Variants in DSCAM observed in about 807,000 individuals in gnomAD.
The protein encoded by DSCAM is DS cell adhesion molecule.
DSCAM carries 47 observed loss-of-function variants against 217.7 expected under a neutral mutation model. The ratio of observed to expected loss-of-function variants is 0.22; its 90% confidence interval spans 0.17 to 0.28. The LOEUF is 0.28. DSCAM is among the 10% of genes least tolerant of loss of function. DSCAM has a pLI of 1.00. For synonymous variants in DSCAM, 1,056 were observed against 1,015.3 expected (o/e 1.04, Z -0.76); for missense variants, 2,080 against 2,618.3 (o/e 0.79, Z 4.49).
chr21:40,779,365 G>T (rs1320414706), intron 1 of DSCAM, among the ~76,000 whole-genome samples: 1 of 152,202 alleles, frequency 6.6e-6, no homozygotes, highest in Non-Finnish European at 1.5e-5. Context: ...CTGACGAAGA[G>T]AAATTTTGGT....
At chr21:40,234,374 T>C (rs968284523) in intron 11 of DSCAM, among the ~76,000 whole-genome samples, 1 of 152,194 alleles carries the variant, frequency 6.6e-6, no homozygotes, top group African/African-American at 2.4e-5. Context: ...ATCATGGTCA[T>C]GTCCACTTCA....
intron 3 of DSCAM, among the ~76,000 whole-genome samples, chr21:40,393,279 A>G (rs1034279382): frequency 6.6e-6 from 1 of 152,212 alleles, no homozygotes; most frequent in Non-Finnish European, 1.5e-5. Flanking sequence ...ATCCACGTGC[A>G]TGACCTCTGA....
chr21:40,794,542 GAA>G (rs35301932), intron 1 of DSCAM, among the ~76,000 whole-genome samples: 4 of 138,264 alleles, frequency 2.9e-5, no homozygotes, highest in African/African-American at 2.7e-5. Flanking sequence ...AGTCAAATTG[GAA>G]AAAAAAAAAA....
intron 3 of DSCAM, among the ~76,000 whole-genome samples, chr21:40,681,748 C>T (rs2090403170): frequency 6.6e-6 from 1 of 151,978 alleles, no homozygotes; most frequent in Non-Finnish European, 1.5e-5. Flanking sequence ...TAAGGTGGGC[C>T]CTTCATCCAA....
intron 14 of DSCAM, among the ~76,000 whole-genome samples, chr21:40,186,074 A>AT (rs2090891381): frequency 6.6e-6 from 1 of 152,092 alleles, no homozygotes; most frequent in African/African-American, 2.4e-5. Flanking sequence ...TCAAAACACT[A>AT]TTTTTTGTTT....
At position 40,622,187 on chromosome 21, in the gene DSCAM, C is replaced by A. The variant is rs185054122; in HGVS notation, c.508+70623G>T. On this transcript the variant is annotated intron_variant, in intron 3 of 32. Transcript: ENST00000400454. ...TTATCACCTGCCTCCTATTTTCTTA[C>A]CCCTTGACCTTCACCTGACCCCTGA... Among the ~76,000 whole-genome samples, 189 of 152,188 alleles carry A rather than the reference C, an allele frequency of 1.2e-3. 1 individual carries two copies. The highest frequency in any genetic ancestry group is 4.3e-3 in the African/African-American group (177 of 41,524).
chr21:40,843,368 ATGTGTGTGTG>A (rs36229663), intron 1 of DSCAM, among the ~76,000 whole-genome samples: 41,172 of 146,006 alleles, frequency 0.28, 6,003 homozygotes, highest in African/African-American at 0.4. Context: ...GAATGCATGC[ATGTGTGTGTG>A]TGTGTGTGTG....
chr21:40,724,441 CAAT>C (rs770134098), intron 1 of DSCAM, among the ~76,000 whole-genome samples: 72 of 151,926 alleles, frequency 4.7e-4, no homozygotes, highest in Non-Finnish European at 2.1e-4. Flanking sequence ...GATAACATCA[CAAT>C]AATGTTAACA....
At chr21:40,292,884 C>T (rs371890664) in intron 10 of DSCAM, among the ~76,000 whole-genome samples, 2 of 152,142 alleles carry the variant, frequency 1.3e-5, no homozygotes, top group Middle Eastern at 3.4e-3. Context: ...TACAGGTGGC[C>T]GCCACCACGC....
chr21:40,251,155 C>T (rs28550245), intron 11 of DSCAM, among the ~76,000 whole-genome samples: 1 of 152,168 alleles, frequency 6.6e-6, no homozygotes, highest in Admixed American at 6.5e-5. Context: ...GTCAAATGGG[C>T]CATCGAGGGC....
chr21:40,698,315 C>T (rs2090616944), intron 2 of DSCAM, among the ~76,000 whole-genome samples: 1 of 152,090 alleles, frequency 6.6e-6, no homozygotes, highest in Non-Finnish European at 1.5e-5. Flanking sequence ...TCACGATAAG[C>T]AAACAGAATG....
Position 40,134,083 on chromosome 21 carries a change from C to T in DSCAM, c.3407-74G>A, listed in dbSNP as rs998051478. The T allele has an allele frequency of 2.6e-6, 4 of 1,525,446 alleles. No homozygotes were observed. In the Admixed American group the frequency reaches 5.9e-5, roughly 23 times the overall value. The allele number at this position is 1,525,446 out of a possible 1,614,324, so 94.5% of individuals were successfully genotyped here. ...TGCTCGTTTTTCCGCACTGTCCCCA[C>T]TGACTGTCCCTGTGCCATGCCATCA... On this transcript the variant is annotated intron_variant, in intron 18 of 32. Coordinates refer to ENST00000400454, the MANE Select transcript of DSCAM (RefSeq NM_001389.5).
At position 40,841,294 on chromosome 21, in the gene DSCAM, C is replaced by T. The variant is rs1477110654; in HGVS notation, c.43+5325G>A. ...GTCACCTGCAGAAAACATCCGTGTGCTCCACCCTTTGAATTCAGAACGACA... is the reference window on the plus strand; with the variant it reads ...GTCACCTGCAGAAAACATCCGTGTGTTCCACCCTTTGAATTCAGAACGACA... On this transcript the variant is annotated intron_variant, in intron 1 of 32. Coordinates refer to ENST00000400454, the MANE Select transcript of DSCAM (RefSeq NM_001389.5). 1.1e-4 allele frequency among the ~76,000 whole-genome samples: 16 copies of T among 152,296 alleles called. No homozygotes were observed. In the East Asian group the frequency reaches 2.9e-3, roughly 28 times the overall value.
chr21:40,278,075 T>C (rs1380120797), intron 10 of DSCAM, among the ~76,000 whole-genome samples: 1 of 152,092 alleles, frequency 6.6e-6, no homozygotes, highest in East Asian at 1.9e-4. Flanking sequence ...ATGTCAATTT[T>C]ATTTATGTAT....
At chr21:40,698,246 T>C (rs138652488) in intron 2 of DSCAM, among the ~76,000 whole-genome samples, 2 of 152,260 alleles carry the variant, frequency 1.3e-5, no homozygotes, top group East Asian at 3.9e-4. Flanking sequence ...ATAATAAATC[T>C]AAGCACTGGC....
rs887560839 is a variant in DSCAM at position 40,012,309 on chromosome 21, T to G, written c.*725A>C. 1 of 152,190 alleles carries G rather than the reference T, an allele frequency of 6.6e-6. No homozygotes were observed. The highest frequency in any genetic ancestry group is 6.5e-5 in the Admixed American group (1 of 15,280). The allele number at this position is 152,190 out of a possible 1,614,324, so 9.4% of individuals were successfully genotyped here. Reference sequence around the variant, plus strand: ...CAGGGTGTTAGTATCGACTCTGGTTTATTGAATTGGGCTCTGGGTTCAGGC... The same window carrying G: ...CAGGGTGTTAGTATCGACTCTGGTTGATTGAATTGGGCTCTGGGTTCAGGC... On this transcript the variant is annotated 3_prime_UTR_variant, in exon 33 of 33. Transcript: ENST00000400454.
intron 11 of DSCAM, among the ~76,000 whole-genome samples, chr21:40,196,779 G>A (rs901156442): frequency 3.9e-5 from 6 of 152,132 alleles, no homozygotes; most frequent in African/African-American, 1.2e-4. Context: ...AGTGTTGACT[G>A]TGTGCTAAGA....
At chr21:40,521,422 T>C (rs1475518894) in intron 3 of DSCAM, among the ~76,000 whole-genome samples, 1 of 152,240 alleles carries the variant, frequency 6.6e-6, no homozygotes, top group East Asian at 1.9e-4. Context: ...ACCCTTGTTA[T>C]CTTATTATGT....
chr21:40,294,428 T>C (rs1002036345), intron 10 of DSCAM, among the ~76,000 whole-genome samples: 2 of 152,212 alleles, frequency 1.3e-5, no homozygotes, highest in African/African-American at 4.8e-5. Context: ...AAAAATGTTA[T>C]CTAGTTGGTG....
Sources: allele counts gnomAD v4.1 joint callset (sites outside exome capture counted in the v4.1 genomes callset), GRCh38; gene constraint gnomAD v4.1.1; transcripts MANE v1.5; gene names NCBI Gene and HGNC (gene_info 2026-07-23, HGNC 2026-07-21).